The following OTUD7A variants were observed in gnomAD, a reference collection of about 807,000 sequenced individuals.
OTUD7A encodes OTU domain-containing protein 7A.
A neutral mutation model predicts 65.7 loss-of-function variants in OTUD7A; 12 were observed. That is an observed-to-expected ratio of 0.18 (90% CI 0.12 to 0.30). The LOEUF is 0.30. Ranked by LOEUF, OTUD7A falls within the 10% of genes least tolerant of loss-of-function variation. The pLI, the probability that OTUD7A is intolerant of heterozygous loss-of-function variation, is 1.00. For missense variants in OTUD7A, 1,148 were observed against 1,304.8 expected, an observed-to-expected ratio of 0.88 and a Z score of 1.85; for synonymous variants, 641 against 586.3, an observed-to-expected ratio of 1.09 and a Z score of -1.35.
chr15:31,611,679 A>G (rs534608544), intron 3 of OTUD7A, among the ~76,000 whole-genome samples: 1 of 152,314 alleles, frequency 6.6e-6, no homozygotes, highest in African/African-American at 2.4e-5. Context: ...TTACCAACAA[A>G]AAAAAGTCCA....
chr15:31,832,979 G>A (rs529272131), intron 1 of OTUD7A, among the ~76,000 whole-genome samples: 8 of 152,204 alleles, frequency 5.3e-5, no homozygotes, highest in East Asian at 3.9e-4. Flanking sequence ...TGGATCCTAC[G>A]GTAATTTTAT....
intron 3 of OTUD7A, among the ~76,000 whole-genome samples, chr15:31,589,835 T>A (rs1268832459): frequency 1.3e-5 from 2 of 152,206 alleles, no homozygotes; most frequent in African/African-American, 4.8e-5. Flanking sequence ...TAGTACTGAA[T>A]GATAACTATT....
intron 1 of OTUD7A, among the ~76,000 whole-genome samples, chr15:31,667,365 T>C (rs1223910536): frequency 6.6e-6 from 1 of 152,228 alleles, no homozygotes; most frequent in Non-Finnish European, 1.5e-5. Context: ...CAAGGCCTTT[T>C]ACCATTATAT....
chr15:31,820,940 A>T (rs1352814719), intron 1 of OTUD7A, among the ~76,000 whole-genome samples: 1 of 152,014 alleles, frequency 6.6e-6, no homozygotes, highest in Non-Finnish European at 1.5e-5. Flanking sequence ...TGCACCCACC[A>T]GCCGTCACTT....
intron 5 of OTUD7A, among the ~76,000 whole-genome samples, chr15:31,551,670 G>GT (rs1320218260): frequency 9.2e-5 from 14 of 152,156 alleles, no homozygotes; most frequent in African/African-American, 3.4e-4. Flanking sequence ...AAAACAAAAC[G>GT]TGACAATTCT....
At chr15:31,815,106 C>T (rs1014138724) in intron 1 of OTUD7A, among the ~76,000 whole-genome samples, 1 of 152,248 alleles carries the variant, frequency 6.6e-6, no homozygotes, top group Admixed American at 6.5e-5. Flanking sequence ...CACAGAACTC[C>T]CCAGCCCTTC....
intron 1 of OTUD7A, among the ~76,000 whole-genome samples, chr15:31,838,621 T>C (rs1897110751): frequency 6.6e-6 from 1 of 151,762 alleles, no homozygotes; most frequent in African/African-American, 2.4e-5. Context: ...CTCACTGATT[T>C]TGAAGATGCT....
At chr15:31,503,886 T>G in intron 8 of OTUD7A, 68 bp from the exon 9 acceptor site, 3 of 1,582,536 alleles carry the variant, frequency 1.9e-6, no homozygotes, top group Admixed American at 3.4e-5. Flanking sequence ...AAGTGGGGAC[T>G]GCTTCATGCA....
At chr15:31,856,498 G>A (rs2141010685) in intron 1 of OTUD7A, among the ~76,000 whole-genome samples, 2 of 152,322 alleles carry the variant, frequency 1.3e-5, no homozygotes, top group South Asian at 4.1e-4. Context: ...TGTATGCACA[G>A]AGAGGAACAA....
Position 31,484,682 on chromosome 15 carries a change from C to T in OTUD7A, c.1414G>A (p.Glu472Lys). The T allele has an allele frequency of 6.3e-7, 1 of 1,582,952 alleles. No homozygotes were observed. The highest frequency in any genetic ancestry group is 1.7e-4 in the Middle Eastern group (1 of 6,048). The change falls in exon 13 of 13, where the codon GAG (glutamate) becomes AAG (lysine). Residue 472 changes from glutamate to lysine, a missense_variant. Glu to Lys is a moderately conservative substitution (Grantham distance 56, BLOSUM62 1). This residue lies in a region of OTUD7A where 842 missense variants were observed against 769.5 expected (regional missense o/e 1.09). Coordinates refer to ENST00000307050, the MANE Select transcript of OTUD7A (RefSeq NM_001382637.1). The surrounding 1 kb of genome is among the most constrained non-coding windows in gnomAD (Gnocchi z 4.5). ...QPESPTASAG[E>K]DVQSLADSLD... ...GAGTCGGCCAGGGACTGCACGTCCT[C>T]CCCTGCCGAGGCCGTGGGAGACTCC...
chr15:31,801,083 G>A (rs1049074191), intron 1 of OTUD7A, among the ~76,000 whole-genome samples: 1 of 148,136 alleles, frequency 6.8e-6, no homozygotes, highest in African/African-American at 2.5e-5. Context: ...AGCAGAATCA[G>A]GTTTCCACAG....
intron 1 of OTUD7A, among the ~76,000 whole-genome samples, chr15:31,689,839 C>T (rs559238495): frequency 6.6e-6 from 1 of 152,228 alleles, no homozygotes; most frequent in East Asian, 1.9e-4. Context: ...CTCAGCGGGG[C>T]TCAAACACTG....
At chr15:31,779,762 G>T (rs184983455) in intron 1 of OTUD7A, among the ~76,000 whole-genome samples, 4 of 152,246 alleles carry the variant, frequency 2.6e-5, no homozygotes, top group African/African-American at 9.6e-5. Flanking sequence ...AGCCCTAGGG[G>T]TGGATGAGAG....
chr15:31,757,616 T>C (rs1176466950), intron 1 of OTUD7A, among the ~76,000 whole-genome samples: 1 of 149,450 alleles, frequency 6.7e-6, no homozygotes, highest in Non-Finnish European at 1.5e-5. Flanking sequence ...TGTATTCCCA[T>C]GAATTGTACC....
intron 5 of OTUD7A, among the ~76,000 whole-genome samples, chr15:31,548,321 C>T (rs1888204253): frequency 6.6e-6 from 1 of 151,634 alleles, no homozygotes; most frequent in Non-Finnish European, 1.5e-5. Context: ...TGGCTTTCTA[C>T]TTGGCCTCTC....
In OTUD7A at chr15:31,477,845, C is replaced by CA. The variant is rs945492270; in HGVS notation, c.*5448dup. The CA allele has an allele frequency of 4.7e-5, 6 of 127,058 alleles. No individual in the cohort carries two copies. The highest frequency in any genetic ancestry group is 1.8e-4 in the African/African-American group (6 of 33,032). 7.9% of individuals were successfully genotyped at this position (127,058 alleles called of 1,614,324 possible). ...ATGAATGATTAACATCTGCAGCACT[C>CA]AGATGGTGATAGGTGCACAAGAAGA... On this transcript the variant is annotated 3_prime_UTR_variant, in exon 13 of 13. Transcript: ENST00000307050.
At chr15:31,623,360 G>T (rs1890854793) in intron 3 of OTUD7A, among the ~76,000 whole-genome samples, 1 of 152,232 alleles carries the variant, frequency 6.6e-6, no homozygotes, top group Non-Finnish European at 1.5e-5. Flanking sequence ...CCTGTCCCCA[G>T]AGGTGGAGTC....
intron 1 of OTUD7A, among the ~76,000 whole-genome samples, chr15:31,756,399 C>T (rs759494404): frequency 4.6e-5 from 7 of 152,150 alleles, no homozygotes; most frequent in South Asian, 2.1e-4. Flanking sequence ...AGGTACTTTT[C>T]AGGGCCCTGG....
At chr15:31,592,568 T>C (rs2141199652) in intron 3 of OTUD7A, among the ~76,000 whole-genome samples, 1 of 151,960 alleles carries the variant, frequency 6.6e-6, no homozygotes, top group African/African-American at 2.4e-5. Flanking sequence ...CCTGAGGCCA[T>C]TTTACATTAA....
Sources: allele counts gnomAD v4.1 joint callset (sites outside exome capture counted in the v4.1 genomes callset), GRCh38; gene constraint gnomAD v4.1.1; regional missense constraint gnomAD v4.1.1; non-coding constraint Gnocchi (gnomAD v3.1); transcripts MANE v1.5; gene names NCBI Gene and HGNC (gene_info 2026-07-23, HGNC 2026-07-21).